The following CCDC32 variants were observed in gnomAD, a reference collection of about 807,000 sequenced individuals.
CCDC32 encodes coiled-coil domain containing 32, also known as coiled-coil domain-containing protein 32.
A neutral mutation model predicts 20.1 loss-of-function variants in CCDC32; 9 were observed. The ratio of observed to expected loss-of-function variants is 0.45; its 90% CI spans 0.27 to 0.78. CCDC32 has a LOEUF of 0.78. Among genes scored for constraint, CCDC32 ranks in the 30% least tolerant of loss-of-function variants. The pLI, the probability that CCDC32 is intolerant of heterozygous loss-of-function variation, is 0.16. For missense variants in CCDC32, 204 were observed against 215.5 expected (o/e 0.95, Z 0.33); for synonymous variants, 63 against 79.0 (o/e 0.80, Z 1.07).
At chr15:40,538,214 A>G (rs1025182793), downstream of CCDC32, 1 of 152,078 alleles carries the variant, frequency 6.6e-6, no homozygotes, top group African/African-American at 2.4e-5. Flanking sequence ...TGCCCCCTTC[A>G]TGTCTTTCCT....
chr15:40,534,515 G>A (rs1040357608), downstream of CCDC32: 29 of 170,966 alleles, frequency 1.7e-4, no homozygotes, highest in Non-Finnish European at 2.0e-4. Context: ...ATCAGATCTC[G>A]TGAGAACTTA....
intron 3 of CCDC32, among the ~76,000 whole-genome samples, chr15:40,544,407 G>T (rs1889529812): frequency 6.6e-6 from 1 of 152,010 alleles, no homozygotes; most frequent in African/African-American, 2.4e-5. Flanking sequence ...TGTAGAGACG[G>T]GGTCTCTTTC....
At chr15:40,521,629 C>G in the CCDC32 span, among the ~76,000 whole-genome samples, 2 of 152,190 alleles carry the variant, frequency 1.3e-5, no homozygotes, top group African/African-American at 4.8e-5. Context: ...TCCAGTTTCT[C>G]TACATCCTCG....
chr15:40,538,475 C>T (rs1483882983), downstream of CCDC32: 1 of 152,268 alleles, frequency 6.6e-6, no homozygotes, highest in Non-Finnish European at 1.5e-5. Flanking sequence ...TGTATGTCCG[C>T]CCCAATAGGA....
chr15:40,544,524 C>T (rs1442675915), intron 3 of CCDC32, among the ~76,000 whole-genome samples: 1 of 152,148 alleles, frequency 6.6e-6, no homozygotes, highest in Non-Finnish European at 1.5e-5. Context: ...AGCCCCCTGG[C>T]ATCTATTATA....
chr15:40,563,677 AACACACAC>A (rs59483012), intron 1 of CCDC32, among the ~76,000 whole-genome samples: 18 of 129,702 alleles, frequency 1.4e-4, no homozygotes, highest in Non-Finnish European at 2.4e-4. Flanking sequence ...CATATATTTT[AACACACAC>A]ACACACACAC....
downstream of CCDC32, chr15:40,535,062 TG>T: frequency 1.4e-6 from 1 of 734,358 alleles, no homozygotes. Context: ...GACCAGACTG[TG>T]GAGGGTCTTG....
At chr15:40,533,921 GC>G (rs1406270011), downstream of CCDC32, among the ~76,000 whole-genome samples, 1 of 152,144 alleles carries the variant, frequency 6.6e-6, no homozygotes, top group African/African-American at 2.4e-5. Flanking sequence ...TTCTCGCTAT[GC>G]CGTTAGAAAG....
chr15:40,541,926 G>A (rs1392470933), intron 3 of CCDC32, among the ~76,000 whole-genome samples: 1 of 152,212 alleles, frequency 6.6e-6, no homozygotes, highest in Non-Finnish European at 1.5e-5. Flanking sequence ...TAGGTGATCA[G>A]GTGTTTGTCA....
At chr15:40,557,498 G>T in intron 2 of CCDC32, 126 bp from the exon 3 acceptor site, 3 of 918,950 alleles carry the variant, frequency 3.3e-6, no homozygotes, top group Non-Finnish European at 4.7e-6. Context: ...CCCTGCCAAA[G>T]AGGTCATTTT....
downstream of CCDC32, among the ~76,000 whole-genome samples, chr15:40,524,735 C>CTTTTT (rs1894877723): frequency 1.3e-5 from 1 of 79,892 alleles, no homozygotes; most frequent in African/African-American, 6.6e-5. Flanking sequence ...TGTTCTTTTT[C>CTTTTT]TTTCTTTTTT....
chr15:40,558,570 T>C (rs1047842171), intron 2 of CCDC32, among the ~76,000 whole-genome samples: 2 of 152,092 alleles, frequency 1.3e-5, no homozygotes, highest in African/African-American at 4.8e-5. Flanking sequence ...GGTCTTCCTC[T>C]CTCTAAGTAT....
At position 40,528,740 on chromosome 15, in the gene CCDC32, T is replaced by C. The variant is rs181606279; in HGVS notation, c.*2A>G. On this transcript the variant is annotated 3_prime_UTR_variant, in exon 4 of 4. Coordinates refer to the CCDC32 transcript ENST00000560305. ...AGCGAATGGGAAACTTCTTCCGTCC[T>C]CCTAGCTGGCCTGCCCAAAGCCCTT... The C allele has an allele frequency of 4.8e-5, 34 of 701,358 alleles. No homozygotes were observed. The East Asian group carries it at 8.6e-4, about 18-fold the overall frequency. The allele number at this position is 701,358 out of a possible 1,614,324, so 43.4% of individuals were successfully genotyped here. A position where few individuals can be genotyped will look rare whatever the true frequency, so the allele number is the denominator to read the frequency against.
At chr15:40,534,552 C>G (rs1889027134), downstream of CCDC32, 2 of 209,630 alleles carry the variant, frequency 9.5e-6, no homozygotes, top group South Asian at 1.8e-4. Context: ...ATGAGGGAAA[C>G]TGCCCCCTTG....
chr15:40,522,140 G>A, the CCDC32 span, among the ~76,000 whole-genome samples: 1 of 152,150 alleles, frequency 6.6e-6, no homozygotes, highest in African/African-American at 2.4e-5. Context: ...CATGTAGGGT[G>A]TCAGATAGGG....
intron 3 of CCDC32, among the ~76,000 whole-genome samples, chr15:40,555,878 C>T (rs893158626): frequency 1.3e-5 from 2 of 152,146 alleles, no homozygotes; most frequent in Non-Finnish European, 2.9e-5. Flanking sequence ...TTTACTCCCC[C>T]CCATTGATTT....
downstream of CCDC32, among the ~76,000 whole-genome samples, chr15:40,527,177 CT>C (rs869261887): frequency 7.4e-4 from 106 of 142,338 alleles, no homozygotes; most frequent in Admixed American, 7.0e-4. Context: ...TCTCGAACTG[CT>C]TTTTTTTTTT....
At chr15:40,534,594 C>T (rs553858034), downstream of CCDC32, 8 of 274,024 alleles carry the variant, frequency 2.9e-5, no homozygotes, top group South Asian at 4.6e-4. Context: ...TCCTTCCCAC[C>T]ACACGTGGGG....
chr15:40,559,091 C>T (rs1340688035), intron 2 of CCDC32, among the ~76,000 whole-genome samples: 1 of 148,832 alleles, frequency 6.7e-6, no homozygotes, highest in African/African-American at 2.5e-5. Context: ...TCTCTTCCTT[C>T]CTCTCTCTCT....
Sources: gnomAD v4.1 joint callset for allele counts (sites outside exome capture counted in the v4.1 genomes callset) on GRCh38, gnomAD v4.1.1 for gene constraint, MANE v1.5 for transcripts, NCBI Gene and HGNC (gene_info 2026-07-23, HGNC 2026-07-21) for gene names.